The following ALDOB variants were observed in gnomAD, a reference collection of about 807,000 sequenced individuals.
The protein encoded by ALDOB is fructose-bisphosphate aldolase B.
A neutral mutation model predicts 41.0 loss-of-function variants in ALDOB; 39 were observed. The observed-to-expected ratio is 0.95, with a 90% CI of 0.74 to 1.24. ALDOB has a LOEUF of 1.24. ALDOB is among the 50% of genes most tolerant of loss of function. The probability of loss-of-function intolerance (pLI) is 0.00; values close to 1 mark genes in which losing one functional copy is unlikely to be tolerated. For synonymous variants in ALDOB, 175 were observed against 168.8 expected, an observed-to-expected ratio of 1.04 and a Z score of -0.28; for missense variants, 530 against 457.3, an observed-to-expected ratio of 1.16 and a Z score of -1.45.
intron 6 of ALDOB, among the ~76,000 whole-genome samples, chr9:101,425,936 A>AG (rs1831123047): frequency 1.3e-5 from 2 of 152,110 alleles, no homozygotes; most frequent in African/African-American, 4.8e-5. Flanking sequence ...GGTCAATGTC[A>AG]TTCCTTATTG....
At chr9:101,430,073 C>CT (rs1424311156) in intron 2 of ALDOB, 107 bp from the exon 3 acceptor site, 16 of 1,034,934 alleles carry the variant, frequency 1.5e-5, no homozygotes, top group Non-Finnish European at 2.4e-5. Flanking sequence ...GCAAGACTTT[C>CT]TTTTTTCAGA....
intron 1 of ALDOB, among the ~76,000 whole-genome samples, chr9:101,431,393 T>A (rs187525712): frequency 6.6e-6 from 1 of 152,246 alleles, no homozygotes; most frequent in African/African-American, 2.4e-5. Context: ...GAGAAATCTA[T>A]ACATAGTCTT....
At chr9:101,430,741 T>C in intron 2 of ALDOB, 35 bp downstream of exon 2, 1 of 1,471,060 alleles carries the variant, frequency 6.8e-7, no homozygotes, top group African/African-American at 1.4e-5. Context: ...AAAAATAATA[T>C]GTTGTTATAT....
chr9:101,422,020 A>G, intron 8 of ALDOB, 116 bp from the exon 9 acceptor site: 1 of 852,614 alleles, frequency 1.2e-6, no homozygotes, highest in African/African-American at 1.7e-5. Flanking sequence ...TTCTTTTTAC[A>G]GCAATGTTGC....
intron 1 of ALDOB, among the ~76,000 whole-genome samples, chr9:101,431,608 G>T (rs1249956134): frequency 6.6e-6 from 1 of 152,158 alleles, no homozygotes; most frequent in Non-Finnish European, 1.5e-5. Flanking sequence ...AGCAAGGGGA[G>T]ACTCTGGCTT....
intron 2 of ALDOB, among the ~76,000 whole-genome samples, chr9:101,430,354 C>T (rs910424352): frequency 2.6e-5 from 4 of 152,204 alleles, no homozygotes; most frequent in Admixed American, 1.3e-4. Context: ...AACTCTGCCA[C>T]AGCTCTCCCT....
At chr9:101,434,512 T>C (rs1831263764) in intron 1 of ALDOB, among the ~76,000 whole-genome samples, 1 of 152,206 alleles carries the variant, frequency 6.6e-6, no homozygotes, top group South Asian at 2.1e-4. Flanking sequence ...ACAAATGGAT[T>C]TTTAAGGCAA....
At chr9:101,424,139 T>G (rs985459025) in intron 8 of ALDOB, among the ~76,000 whole-genome samples, 1 of 152,114 alleles carries the variant, frequency 6.6e-6, no homozygotes, top group Admixed American at 6.5e-5. Context: ...TTTACCCGGC[T>G]GGGTGTGGTG....
At chr9:101,429,669 G>A in intron 3 of ALDOB, 86 bp downstream of exon 3, 1 of 1,212,600 alleles carries the variant, frequency 8.2e-7, no homozygotes, top group African/African-American at 1.5e-5. Context: ...TGAGGAGAAT[G>A]TTCAGAGTGT....
chr9:101,433,775 T>C (rs938301318), intron 1 of ALDOB, among the ~76,000 whole-genome samples: 3 of 152,126 alleles, frequency 2.0e-5, no homozygotes, highest in Non-Finnish European at 4.4e-5. Context: ...TCTTTCTTTC[T>C]TTTTTATTTT....
chr9:101,425,360 G>A, intron 7 of ALDOB, 93 bp downstream of exon 7: 1 of 1,469,494 alleles, frequency 6.8e-7, no homozygotes, highest in Non-Finnish European at 9.5e-7. Context: ...TTTGTTTCAT[G>A]AATAGAAGCA....
intron 5 of ALDOB, among the ~76,000 whole-genome samples, chr9:101,426,957 C>G (rs1373858212): frequency 1.3e-5 from 2 of 152,160 alleles, no homozygotes; most frequent in Admixed American, 6.5e-5. Context: ...GTTTAGAGTT[C>G]TAATTGGGGA....
At chr9:101,426,744 G>A in intron 5 of ALDOB, 106 bp from the exon 6 acceptor site, 1 of 762,716 alleles carries the variant, frequency 1.3e-6, no homozygotes, top group South Asian at 1.4e-5. Flanking sequence ...AGCCATTATG[G>A]AGAAATACTA....
chr9:101,428,583 A>T, intron 3 of ALDOB, 60 bp from the exon 4 acceptor site: 1 of 1,349,036 alleles, frequency 7.4e-7, no homozygotes, highest in South Asian at 1.2e-5. Context: ...AGAACTCTTG[A>T]ACTAACTAAC....
intron 8 of ALDOB, 47 bp downstream of exon 8, chr9:101,424,796 C>T (rs1463784311): frequency 4.4e-6 from 7 of 1,605,698 alleles, no homozygotes; most frequent in Non-Finnish European, 6.0e-6. Flanking sequence ...AAAGTCAAGC[C>T]CCAAATGTGA....
chr9:101,428,988 T>G (rs920649375), intron 3 of ALDOB, among the ~76,000 whole-genome samples: 14 of 152,238 alleles, frequency 9.2e-5, no homozygotes, highest in Non-Finnish European at 4.4e-5. Context: ...GTAAAAACTC[T>G]TATTCAATGG....
Position 101,421,899 on chromosome 9 carries a change from G to A in ALDOB, c.1005C>T (p.Asn335=), listed in dbSNP as rs78340951. The A allele has an allele frequency of 2.5e-6, 4 of 1,613,598 alleles. No individual in the cohort carries two copies. The highest frequency in any genetic ancestry group is 1.3e-5 in the African/African-American group (1 of 74,906). The change falls in exon 9 of 9, where the codon AAC becomes AAT. Residue 335 remains asparagine, a synonymous_variant. Coordinates refer to ENST00000647789, the MANE Select transcript of ALDOB (RefSeq NM_000035.4). ...CATACTGTCCTTTGGCCGCCTGGCAGTTAGCCTAGAAGACAAATATGAGAG... is the reference window on the plus strand; with the variant it reads ...CATACTGTCCTTTGGCCGCCTGGCAATTAGCCTAGAAGACAAATATGAGAG... The part of the protein sequence containing the change: ...QEAFMKRAMA[N]CQAAKGQYVH...
At position 101,424,923 on chromosome 9, in the gene ALDOB, G is replaced by T. The variant is rs770890389; in HGVS notation, c.919C>A (p.Gln307Lys). 11 of 1,614,068 alleles carry T rather than the reference G, an allele frequency of 6.8e-6. No homozygotes were observed. Among genetic ancestry groups the T allele is most frequent in the Non-Finnish European group, 6.8e-6 (8 of 1,180,026 alleles). ...KLSFSYGRAL[Q>K]ASALAAWGGK... ...CCCCAGGCAGCCAGTGCACTGGCCT[G>T]CAGGGCCCGTCCATAAGAGAAACTT... is the stretch of plus-strand genomic sequence containing the variant. The change falls in exon 8 of 9, where the codon CAG becomes AAG. Residue 307 changes from glutamine to lysine, a missense_variant. Gln to Lys is a moderately conservative substitution (Grantham distance 53, BLOSUM62 1). Transcript: ENST00000647789.
Position 101,424,912 on chromosome 9 carries a change from T to G in ALDOB, c.930A>C (p.Ala310=). The change falls in exon 8 of 9, where the codon GCA becomes GCC. Residue 310 remains alanine, a synonymous_variant. Coordinates refer to ENST00000647789, the MANE Select transcript of ALDOB (RefSeq NM_000035.4). The part of the protein sequence containing the change: ...FSYGRALQAS[A]LAAWGGKAAN... ...CAGCCTTGCCACCCCAGGCAGCCAG[T>G]GCACTGGCCTGCAGGGCCCGTCCAT... The G allele has an allele frequency of 6.2e-7, 1 of 1,614,156 alleles. No individual in the cohort carries two copies. The highest frequency in any genetic ancestry group is 1.7e-5 in the Admixed American group (1 of 60,024).
Sources: gnomAD v4.1 joint callset for allele counts (sites outside exome capture counted in the v4.1 genomes callset) on GRCh38, gnomAD v4.1.1 for gene constraint, MANE v1.5 for transcripts, NCBI Gene and HGNC (gene_info 2026-07-23, HGNC 2026-07-21) for gene names.